The following ADAMTS3 variants were observed in gnomAD, a reference collection of about 807,000 sequenced individuals.
ADAMTS3 encodes the protein A disintegrin and metalloproteinase with thrombospondin motifs 3.
In ADAMTS3, 73 loss-of-function variants were observed where a neutral mutation model predicts 129.0. The observed-to-expected ratio is 0.57, with a 90% CI of 0.47 to 0.69. The LOEUF is 0.69. Ranked by LOEUF, ADAMTS3 falls within the 30% of genes least tolerant of loss-of-function variation. ADAMTS3 has a pLI of 0.00. For missense variants in ADAMTS3, 1,457 were observed against 1,514.5 expected, an observed-to-expected ratio of 0.96 and a Z score of 0.63; for synonymous variants, 477 against 510.8, an observed-to-expected ratio of 0.93 and a Z score of 0.89.
chr4:72,370,802 A>G (rs1006450788), intron 4 of ADAMTS3, among the ~76,000 whole-genome samples: 2 of 151,180 alleles, frequency 1.3e-5, no homozygotes, highest in Non-Finnish European at 3.0e-5. Flanking sequence ...TGGTAGGTAT[A>G]ATCCCAAATA....
intron 3 of ADAMTS3, among the ~76,000 whole-genome samples, chr4:72,505,247 A>G (rs1449712259): frequency 6.6e-6 from 1 of 151,944 alleles, no homozygotes; most frequent in Non-Finnish European, 1.5e-5. Context: ...TCTCTATAAT[A>G]CTGTTGTTTT....
intron 4 of ADAMTS3, among the ~76,000 whole-genome samples, chr4:72,366,919 T>C (rs974022583): frequency 6.6e-6 from 1 of 151,996 alleles, no homozygotes; most frequent in African/African-American, 2.4e-5. Flanking sequence ...TTCTCATTCC[T>C]CCTCCTCTCT....
At chr4:72,515,705 T>C (rs917463704) in intron 3 of ADAMTS3, among the ~76,000 whole-genome samples, 1 of 152,026 alleles carries the variant, frequency 6.6e-6, no homozygotes, top group African/African-American at 2.4e-5. Context: ...CTTGTAAATT[T>C]GTTTGAGTTC....
intron 4 of ADAMTS3, among the ~76,000 whole-genome samples, chr4:72,392,223 T>C (rs1169497849): frequency 1.3e-5 from 2 of 152,156 alleles, no homozygotes. Flanking sequence ...CTGCTGATAT[T>C]TCATAGGCTT....
At chr4:72,461,927 C>A (rs1011486563) in intron 3 of ADAMTS3, among the ~76,000 whole-genome samples, 3 of 151,858 alleles carry the variant, frequency 2.0e-5, no homozygotes, top group African/African-American at 7.2e-5. Flanking sequence ...TTCTCTACTT[C>A]ATCCTTTATC....
At chr4:72,480,138 G>A (rs1306038872) in intron 3 of ADAMTS3, among the ~76,000 whole-genome samples, 1 of 152,128 alleles carries the variant, frequency 6.6e-6, no homozygotes, top group Non-Finnish European at 1.5e-5. Context: ...TCAGTGTGGC[G>A]ATTCCTCAGG....
chr4:72,458,032 C>A (rs184099284), intron 3 of ADAMTS3, among the ~76,000 whole-genome samples: 2 of 151,666 alleles, frequency 1.3e-5, no homozygotes, highest in East Asian at 3.9e-4. Flanking sequence ...AGTAACTAGT[C>A]TATTCCAGAG....
At chr4:72,348,205 A>C (rs1720337113) in intron 4 of ADAMTS3, among the ~76,000 whole-genome samples, 1 of 152,026 alleles carries the variant, frequency 6.6e-6, no homozygotes, top group South Asian at 2.1e-4. Context: ...TAGAACTTAC[A>C]TCCCAGTGAT....
At chr4:72,537,458 T>C (rs1275539018) in intron 3 of ADAMTS3, among the ~76,000 whole-genome samples, 1 of 152,148 alleles carries the variant, frequency 6.6e-6, no homozygotes, top group Admixed American at 6.5e-5. Context: ...AATACTAGGA[T>C]AGTCAAAAGC....
intron 3 of ADAMTS3, among the ~76,000 whole-genome samples, chr4:72,498,750 C>A (rs1719934820): frequency 6.6e-6 from 1 of 151,862 alleles, no homozygotes; most frequent in Non-Finnish European, 1.5e-5. Context: ...TCCAAAGTTT[C>A]TTTTCTCTTT....
At position 72,298,383 on chromosome 4, in the gene ADAMTS3, T is replaced by G; in HGVS notation, c.2484A>C (p.Glu828Asp). The G allele has an allele frequency of 6.2e-7, 1 of 1,612,950 alleles. No homozygotes were observed. The highest frequency in any genetic ancestry group is 8.5e-7 in the Non-Finnish European group (1 of 1,179,184). ...TGCTGTTGATTGTAGGTACAGAGTCTTCATGGATGATGTACTTATATGTCA... is the reference window on the plus strand; with the variant it reads ...TGCTGTTGATTGTAGGTACAGAGTCGTCATGGATGATGTACTTATATGTCA... Reference protein sequence around the residue: ...SSLTYKYIIHEDSVPTINSNN... With the variant: ...SSLTYKYIIHDDSVPTINSNN... Residue 828 changes from glutamate to aspartate, a missense_variant, in exon 18 of 22, where the codon GAA becomes GAC. By Grantham distance (45) the Glu-to-Asp change is conservative. Coordinates refer to ENST00000286657, the MANE Select transcript of ADAMTS3 (RefSeq NM_014243.3).
chr4:72,397,793 C>T (rs1314135731), intron 4 of ADAMTS3, among the ~76,000 whole-genome samples: 2 of 152,028 alleles, frequency 1.3e-5, no homozygotes, highest in African/African-American at 2.4e-5. Context: ...CTGCAAGTGA[C>T]AGAGCTGATA....
intron 3 of ADAMTS3, among the ~76,000 whole-genome samples, chr4:72,446,481 A>G (rs972830557): frequency 6.6e-6 from 1 of 151,638 alleles, no homozygotes; most frequent in African/African-American, 2.4e-5. Context: ...GGCTTCTTCC[A>G]GGAAGGAAGG....
intron 3 of ADAMTS3, among the ~76,000 whole-genome samples, chr4:72,437,651 T>C (rs995864211): frequency 6.6e-5 from 10 of 151,724 alleles, no homozygotes; most frequent in Non-Finnish European, 1.3e-4. Context: ...AGCCTCTGTG[T>C]TGGTGCACTA....
intron 3 of ADAMTS3, among the ~76,000 whole-genome samples, chr4:72,478,908 C>G (rs1011434731): frequency 4.0e-5 from 6 of 151,684 alleles, no homozygotes; most frequent in Non-Finnish European, 8.8e-5. Context: ...AACAGACAAA[C>G]AGAGAGCCAA....
At chr4:72,504,942 T>C (rs183804986) in intron 3 of ADAMTS3, among the ~76,000 whole-genome samples, 49 of 152,316 alleles carry the variant, frequency 3.2e-4, no homozygotes, top group Admixed American at 2.8e-3. Flanking sequence ...AAGATGTTTA[T>C]CTCTCCCTTC....
chr4:72,518,867 T>G (rs1020629615), intron 3 of ADAMTS3, among the ~76,000 whole-genome samples: 8 of 151,990 alleles, frequency 5.3e-5, no homozygotes, highest in South Asian at 2.1e-4. Flanking sequence ...TGTGTGAATT[T>G]GATCCTGTCA....
chr4:72,376,247 G>A (rs1017240608), intron 4 of ADAMTS3, among the ~76,000 whole-genome samples: 3 of 152,124 alleles, frequency 2.0e-5, no homozygotes, highest in African/African-American at 7.2e-5. Flanking sequence ...TTAAGGCTGG[G>A]AGAGCCCAAG....
chr4:72,380,640 C>T (rs965468028), intron 4 of ADAMTS3, among the ~76,000 whole-genome samples: 1 of 152,092 alleles, frequency 6.6e-6, no homozygotes, highest in South Asian at 2.1e-4. Context: ...GGGCCAGCAG[C>T]ATAGCTTTGA....
Sources: allele counts gnomAD v4.1 joint callset (sites outside exome capture counted in the v4.1 genomes callset), GRCh38; gene constraint gnomAD v4.1.1; transcripts MANE v1.5; gene names NCBI Gene and HGNC (gene_info 2026-07-23, HGNC 2026-07-21).